The following SEC14L5 variants were observed in gnomAD, a reference collection of about 807,000 sequenced individuals.
SEC14L5 encodes the protein SEC14 like lipid binding 5.
In SEC14L5, 96 loss-of-function variants were observed where a neutral mutation model predicts 84.6. The observed-to-expected ratio is 1.13, with a 90% CI of 0.96 to 1.34. The LOEUF (loss-of-function observed/expected upper bound fraction) is 1.34. Ranked by LOEUF, SEC14L5 falls within the 40% of genes most tolerant of loss-of-function variation. The pLI, the probability that SEC14L5 is intolerant of heterozygous loss-of-function variation, is 0.00. For missense variants in SEC14L5, 1,224 were observed against 942.5 expected (o/e 1.30, Z -3.91); for synonymous variants, 546 against 383.4 (o/e 1.42, Z -4.95).
intron 2 of SEC14L5, among the ~76,000 whole-genome samples, chr16:4,984,289 A>G (rs989939555): frequency 3.3e-5 from 5 of 152,264 alleles, no homozygotes; most frequent in South Asian, 4.2e-4. Flanking sequence ...TTCATGCAAT[A>G]TATGGTATTT....
intron 13 of SEC14L5, 139 bp from the exon 14 acceptor site, chr16:5,008,282 G>C (rs966750653): frequency 1.5e-6 from 1 of 647,196 alleles, no homozygotes; most frequent in Non-Finnish European, 2.7e-6. Flanking sequence ...GAGGAGAGGA[G>C]GGCACTCCTG....
At chr16:5,010,943 G>C (rs933234559) in intron 14 of SEC14L5, 152 bp from the exon 15 acceptor site, 3 of 683,826 alleles carry the variant, frequency 4.4e-6, no homozygotes, top group African/African-American at 1.8e-5. Context: ...CAGAGGCCCT[G>C]ACAGGAGGAG....
At chr16:5,011,738 C>G (rs2142536178) in intron 15 of SEC14L5, among the ~76,000 whole-genome samples, 1 of 152,302 alleles carries the variant, frequency 6.6e-6, no homozygotes, top group Non-Finnish European at 1.5e-5. Context: ...GGGCAAATCA[C>G]TTTTCCTCTT....
rs1050575299 is a variant in SEC14L5, at chr16:4,969,820, C to CTT, written c.63+10449_63+10450dup. Reference sequence around the variant, plus strand: ...TGTCTTGTCTGGTTCTTTTTCTTTCCTTTTTTTTTTTTTTTTGAGACTGGT... The same window carrying CTT: ...TGTCTTGTCTGGTTCTTTTTCTTTCCTTTTTTTTTTTTTTTTTTGAGACTGGT... On this transcript the variant is annotated intron_variant, in intron 2 of 15. Transcript: ENST00000251170. Among the ~76,000 whole-genome samples, 9 of 141,298 alleles carry CTT rather than the reference C, an allele frequency of 6.4e-5. 1 individual carries two copies. The highest frequency in any genetic ancestry group is 1.0e-4 in the African/African-American group (4 of 38,524). The allele number at this position is 141,298 out of a possible 152,430, so 92.7% of individuals were successfully genotyped here. A position where few individuals can be genotyped will look rare whatever the true frequency, so the allele number is the denominator to read the frequency against.
Position 5,015,185 on chromosome 16 carries a change from C to T in SEC14L5, c.*215C>T, listed in dbSNP as rs1955861015. On this transcript the variant is annotated 3_prime_UTR_variant, in exon 16 of 16. Transcript: ENST00000251170. ...GAAATTGCAAGGACAGAACCATCTC[C>T]TTCCGGCTTCGTGTAAGGAAGACCA... 1 of 565,312 alleles carries T rather than the reference C, an allele frequency of 1.8e-6. No individual in the cohort carries two copies. Among genetic ancestry groups the T allele is most frequent in the Middle Eastern group, 4.7e-4 (1 of 2,118 alleles). 35.0% of individuals were successfully genotyped at this position (565,312 alleles called of 1,614,324 possible).
In SEC14L5 at chr16:4,996,839, C is replaced by T. The variant is rs762485231; in HGVS notation, c.781-16C>T. ...GGGATACCGTTCTGTGGGCTTTTTA[C>T]TTCTTTGTCTCTCAGATTCCCAAAG... On this transcript the variant is annotated splice_polypyrimidine_tract_variant and intron_variant, in intron 7 of 15. Transcript: ENST00000251170. The T allele has an allele frequency of 8.1e-6, 13 of 1,600,924 alleles. No individual in the cohort carries two copies. Among genetic ancestry groups the T allele is most frequent in the Middle Eastern group, 1.7e-4 (1 of 5,976 alleles).
chr16:5,004,033 A>G (rs557759073), intron 11 of SEC14L5, among the ~76,000 whole-genome samples: 3 of 152,380 alleles, frequency 2.0e-5, no homozygotes, highest in East Asian at 3.9e-4. Context: ...ACAAGGGTGC[A>G]GCCAGCCACT....
intron 2 of SEC14L5, among the ~76,000 whole-genome samples, chr16:4,962,472 C>G (rs796166824): frequency 1.1e-4 from 16 of 152,116 alleles, no homozygotes; most frequent in African/African-American, 3.6e-4. Flanking sequence ...CGGACCACCT[C>G]AGGTCAGGAG....
intron 11 of SEC14L5, 39 bp from the exon 12 acceptor site, chr16:5,005,875 A>AAAC: frequency 1.3e-6 from 2 of 1,501,932 alleles, no homozygotes. Flanking sequence ...AAAAAAAAAA[A>AAAC]AAAAAAACCA....
chr16:5,003,686 T>C (rs1178748298), intron 11 of SEC14L5, 113 bp downstream of exon 11: 1 of 729,008 alleles, frequency 1.4e-6, no homozygotes. Context: ...TAGTAACTTT[T>C]TGGAGATGAA....
intron 2 of SEC14L5, among the ~76,000 whole-genome samples, chr16:4,968,495 A>G (rs997605648): frequency 1.3e-5 from 2 of 152,154 alleles, no homozygotes; most frequent in African/African-American, 4.8e-5. Flanking sequence ...GGCTAATTTT[A>G]AAAAATATTT....
rs115131326 is a variant in SEC14L5, at chr16:5,000,555, G to C, written c.971-100G>C. ...CTGGATCGGGCCTTGGTGGGTTGCA[G>C]CCTGAGGAGGTGAAGCTCTCACCTG... is the stretch of plus-strand genomic sequence containing the variant. On this transcript the variant is annotated intron_variant, in intron 8 of 15. Coordinates refer to ENST00000251170, the MANE Select transcript of SEC14L5 (RefSeq NM_014692.2). The C allele has an allele frequency of 2.4e-3, 2,157 of 893,156 alleles. 31 individuals carry two copies. In the African/African-American group the frequency reaches 0.032, roughly 13 times the overall value. 55.3% of individuals were successfully genotyped at this position (893,156 alleles called of 1,614,324 possible).
chr16:4,980,668 C>G (rs1284865083), intron 2 of SEC14L5, among the ~76,000 whole-genome samples: 3 of 152,136 alleles, frequency 2.0e-5, no homozygotes, highest in Non-Finnish European at 4.4e-5. Context: ...TCCTCCTTCA[C>G]AAGTCTCCTG....
At chr16:4,996,218 G>A (rs1403026881) in intron 6 of SEC14L5, 130 bp from the exon 7 acceptor site, 10 of 597,170 alleles carry the variant, frequency 1.7e-5, no homozygotes, top group Non-Finnish European at 3.1e-5. Flanking sequence ...TGTCTGGGGC[G>A]GGGGCTTAGC....
chr16:5,010,793 C>T (rs1955790643), intron 14 of SEC14L5: 1 of 378,320 alleles, frequency 2.6e-6, no homozygotes. Context: ...CTCAGCAGAG[C>T]AAAAGCCCCA....
chr16:4,989,864 T>C (rs1955534064), intron 4 of SEC14L5, among the ~76,000 whole-genome samples: 1 of 152,068 alleles, frequency 6.6e-6, no homozygotes, highest in African/African-American at 2.4e-5. Flanking sequence ...TGGAAGTGTC[T>C]AGGGGCAGGC....
At chr16:5,001,701 C>G (rs528202268) in intron 10 of SEC14L5, among the ~76,000 whole-genome samples, 16 of 152,326 alleles carry the variant, frequency 1.1e-4, no homozygotes, top group African/African-American at 3.8e-4. Context: ...TTTCCCGGAG[C>G]CAGTACTTAC....
chr16:4,979,173 G>A (rs1416207160), intron 2 of SEC14L5, among the ~76,000 whole-genome samples: 2 of 152,154 alleles, frequency 1.3e-5, no homozygotes, highest in Non-Finnish European at 2.9e-5. Flanking sequence ...GCACAGGGAG[G>A]GTCAGAAATG....
intron 14 of SEC14L5, among the ~76,000 whole-genome samples, chr16:5,010,188 C>CAAAAAA (rs59942135): frequency 1.4e-4 from 6 of 43,646 alleles, no homozygotes; most frequent in Admixed American, 2.5e-4. Context: ...ACTAAAAATA[C>CAAAAAA]AAAAAAAAAA....
Sources: gnomAD v4.1 joint callset for allele counts (sites outside exome capture counted in the v4.1 genomes callset) on GRCh38, gnomAD v4.1.1 for gene constraint, MANE v1.5 for transcripts, NCBI Gene and HGNC (gene_info 2026-07-23, HGNC 2026-07-21) for gene names.